Variants in NCF2 observed in about 807,000 individuals in gnomAD.
NCF2 encodes neutrophil cytosolic factor 2.
NCF2 carries 45 observed loss-of-function variants against 70.9 expected under a neutral mutation model. That is an observed-to-expected ratio of 0.63 (90% CI 0.50 to 0.81). The LOEUF (loss-of-function observed/expected upper bound fraction) is 0.81, where lower values mean the gene tolerates loss of function less well. Among genes scored for constraint, NCF2 ranks in the 40% least tolerant of loss-of-function variants. The pLI is 0.00. For synonymous variants in NCF2, 203 were observed against 233.6 expected, an observed-to-expected ratio of 0.87 and a Z score of 1.19; for missense variants, 522 against 631.6, an observed-to-expected ratio of 0.83 and a Z score of 1.86.
intron 5 of NCF2, among the ~76,000 whole-genome samples, chr1:183,571,117 T>TTTA (rs1672539069): frequency 6.9e-6 from 1 of 145,092 alleles, no homozygotes; most frequent in East Asian, 2.0e-4. Context: ...AAATTATCTT[T>TTTA]TTTTTTTTTT....
the NCF2 span, chr1:183,597,673 A>G: frequency 6.6e-6 from 1 of 152,162 alleles, no homozygotes; most frequent in Non-Finnish European, 1.5e-5. Context: ...GTTCATGTAT[A>G]CTCAATGTTT....
intron 3 of NCF2, among the ~76,000 whole-genome samples, chr1:183,576,096 C>G (rs1672788965): frequency 6.6e-6 from 1 of 152,140 alleles, no homozygotes. Context: ...TGAGAAAAAC[C>G]TTGACACTCT....
chr1:183,567,759 A>G (rs188770777), intron 7 of NCF2, among the ~76,000 whole-genome samples: 64 of 152,212 alleles, frequency 4.2e-4, no homozygotes, highest in African/African-American at 1.4e-3. Context: ...TGGGCCAGAA[A>G]GATTGGTGGG....
intron 14 of NCF2, among the ~76,000 whole-genome samples, chr1:183,556,682 C>T (rs1436335676): frequency 6.6e-6 from 1 of 152,122 alleles, no homozygotes; most frequent in East Asian, 1.9e-4. Flanking sequence ...CAGGCTGTGC[C>T]ACCACGCTTG....
At chr1:183,565,091 G>A (rs767296397) in intron 10 of NCF2, among the ~76,000 whole-genome samples, 5 of 152,172 alleles carry the variant, frequency 3.3e-5, no homozygotes, top group East Asian at 1.9e-4. Context: ...GGGACATCCC[G>A]AGTGATTCTG....
At chr1:183,587,548 G>A (rs562194389) in intron 1 of NCF2, among the ~76,000 whole-genome samples, 23 of 135,044 alleles carry the variant, frequency 1.7e-4, no homozygotes, top group African/African-American at 5.3e-4. Context: ...GAGCTGTGAC[G>A]GCACCACTGC....
chr1:183,563,877 G>C (rs1672188568), intron 11 of NCF2, 128 bp downstream of exon 11: 2 of 1,095,454 alleles, frequency 1.8e-6, no homozygotes, highest in Non-Finnish European at 2.8e-6. Flanking sequence ...CATGGACTCT[G>C]TAAGGTAGCA....
chr1:183,573,428 T>C, intron 4 of NCF2, 136 bp from the exon 5 acceptor site: 1 of 851,274 alleles, frequency 1.2e-6, no homozygotes, highest in African/African-American at 1.7e-5. Context: ...AGTGTTGTCA[T>C]TCCTCTAGGG....
chr1:183,565,592 A>G (rs1380068932), intron 10 of NCF2, 112 bp downstream of exon 10: 2 of 1,058,160 alleles, frequency 1.9e-6, no homozygotes, highest in Non-Finnish European at 2.9e-6. Flanking sequence ...GCTGAGTGAC[A>G]TGTTGGGAGA....
chr1:183,573,245 A>G lies in NCF2; in HGVS notation c.549T>C (p.Phe183=). 1 of 1,614,160 alleles carries G rather than the reference A, an allele frequency of 6.2e-7. No individual in the cohort carries two copies. The highest frequency in any genetic ancestry group is 8.5e-7 in the Non-Finnish European group (1 of 1,180,016). ...EPVVIPVGKL[F]RPNERQVAQL... ...GAGCCACTTGTCTCTCATTTGGTCG[A>G]AACAGCTTGCCCACAGGGATCACCA... Residue 183 remains phenylalanine, a synonymous_variant, in exon 5 of 15, where the codon TTT becomes TTC. Transcript: ENST00000367535.
chr1:183,564,245 C>T (rs1672208507), intron 10 of NCF2, among the ~76,000 whole-genome samples: 1 of 152,120 alleles, frequency 6.6e-6, no homozygotes, highest in Admixed American at 6.5e-5. Context: ...TCAGTCTCTG[C>T]TTCTAGGGAG....
In NCF2 at chr1:183,561,779, C is replaced by CTTTTTTT. The variant is rs57218247; in HGVS notation, c.1290+1409_1290+1415dup. ...TTCAGGCATAAACCATACCAGGCCTCTTTTTTTTTTTTTTTTTTTTTTTTT... is the reference window on the plus strand; with the variant it reads ...TTCAGGCATAAACCATACCAGGCCTCTTTTTTTTTTTTTTTTTTTTTTTTTTTTTTTT... On this transcript the variant is annotated intron_variant, in intron 13 of 14. Coordinates refer to ENST00000367535, the MANE Select transcript of NCF2 (RefSeq NM_000433.4). Among the ~76,000 whole-genome samples the CTTTTTTT allele has an allele frequency of 5.7e-4, 37 of 65,158 alleles. 2 individuals carry two copies. The highest frequency in any genetic ancestry group is 8.2e-4 in the Non-Finnish European group (31 of 37,582). The allele number at this position is 65,158 out of a possible 152,430, so 42.7% of individuals were successfully genotyped here. A position where few individuals can be genotyped will look rare whatever the true frequency, so the allele number is the denominator to read the frequency against.
chr1:183,573,415 A>G (rs1052965814), intron 4 of NCF2, 123 bp from the exon 5 acceptor site: 19 of 937,608 alleles, frequency 2.0e-5, no homozygotes, highest in Middle Eastern at 2.1e-4. Context: ...CCTTTTCCAA[A>G]TGAGTGTTGT....
chr1:183,564,158 G>A, intron 10 of NCF2, 128 bp from the exon 11 acceptor site: 2 of 936,502 alleles, frequency 2.1e-6, no homozygotes, highest in South Asian at 1.3e-5. Flanking sequence ...AATTTGTGGG[G>A]CAATTATTAA....
At chr1:183,589,817 T>TA (rs1673556029) in intron 1 of NCF2, among the ~76,000 whole-genome samples, 1 of 152,134 alleles carries the variant, frequency 6.6e-6, no homozygotes, top group Admixed American at 6.5e-5. Flanking sequence ...CTGGGATAGA[T>TA]AGAGATTCTG....
chr1:183,568,080 G>A (rs1672390407), intron 7 of NCF2, among the ~76,000 whole-genome samples: 1 of 152,022 alleles, frequency 6.6e-6, no homozygotes, highest in South Asian at 2.1e-4. Flanking sequence ...ACTCCTGTAG[G>A]GAATACAGGC....
intron 1 of NCF2, among the ~76,000 whole-genome samples, chr1:183,588,923 G>A (rs1315848346): frequency 2.0e-5 from 3 of 152,204 alleles, no homozygotes; most frequent in Non-Finnish European, 4.4e-5. Flanking sequence ...GCCCAGACTA[G>A]CTGCCAATCT....
At chr1:183,576,320 A>G (rs1356483171) in intron 3 of NCF2, among the ~76,000 whole-genome samples, 1 of 152,190 alleles carries the variant, frequency 6.6e-6, no homozygotes, top group Non-Finnish European at 1.5e-5. Flanking sequence ...CATTCCTCCC[A>G]TGGAACTGTA....
intron 14 of NCF2, among the ~76,000 whole-genome samples, chr1:183,557,509 A>C (rs1166848815): frequency 1.3e-5 from 2 of 152,258 alleles, no homozygotes; most frequent in Non-Finnish European, 2.9e-5. Flanking sequence ...TGCACATTAA[A>C]GTTTGAGAAA....
Sources: gnomAD v4.1 joint callset for allele counts (sites outside exome capture counted in the v4.1 genomes callset) on GRCh38, gnomAD v4.1.1 for gene constraint, MANE v1.5 for transcripts, NCBI Gene and HGNC (gene_info 2026-07-23, HGNC 2026-07-21) for gene names.